NRXN3: variants seen among roughly 807,000 people sequenced by gnomAD.
NRXN3 encodes the protein neurexin 3, also known as neurexin III.
NRXN3 carries 32 observed loss-of-function variants against 137.6 expected under a neutral mutation model. The ratio of observed to expected loss-of-function variants is 0.23; its 90% CI spans 0.18 to 0.31. The LOEUF (loss-of-function observed/expected upper bound fraction) is 0.31. NRXN3 is among the 10% of genes least tolerant of loss of function. The pLI is 1.00. For missense variants in NRXN3, 1,574 were observed against 2,062.5 expected, an observed-to-expected ratio of 0.76 and a Z score of 4.59; for synonymous variants, 798 against 784.5, an observed-to-expected ratio of 1.02 and a Z score of -0.29.
chr14:79,130,328 T>C (rs1033096767), intron 15 of NRXN3, among the ~76,000 whole-genome samples: 2 of 152,182 alleles, frequency 1.3e-5, no homozygotes, highest in Admixed American at 1.3e-4. Context: ...AGTTGTTCCT[T>C]TCCATGTTTA....
intron 20 of NRXN3, among the ~76,000 whole-genome samples, chr14:79,850,440 C>T (rs1276348354): frequency 6.6e-6 from 1 of 152,158 alleles, no homozygotes; most frequent in Non-Finnish European, 1.5e-5. Flanking sequence ...TTGAGTATGT[C>T]TTTGGGATTC....
At chr14:79,786,778 T>TCTTAGTGCA in intron 19 of NRXN3, among the ~76,000 whole-genome samples, 1 of 152,220 alleles carries the variant, frequency 6.6e-6, no homozygotes, top group African/African-American at 2.4e-5. Context: ...AATGTGAATA[T>TCTTAGTGCA]TCTAAGATAG....
chr14:78,877,251 C>T (rs377295172), intron 10 of NRXN3, among the ~76,000 whole-genome samples: 2 of 152,106 alleles, frequency 1.3e-5, no homozygotes, highest in African/African-American at 2.4e-5. Flanking sequence ...CTATGAGGAT[C>T]GGATGAAGGT....
At chr14:78,830,459 A>G (rs751060645) in intron 10 of NRXN3, among the ~76,000 whole-genome samples, 3 of 152,166 alleles carry the variant, frequency 2.0e-5, no homozygotes, top group Non-Finnish European at 4.4e-5. Flanking sequence ...CAAAATTTTA[A>G]TTTGTCAGGA....
At chr14:79,713,190 T>TTTTTTTTTTTTTTTTA (rs1567979801) in intron 19 of NRXN3, among the ~76,000 whole-genome samples, 1 of 108,596 alleles carries the variant, frequency 9.2e-6, no homozygotes, top group Non-Finnish European at 1.8e-5. Context: ...TTTTTTTTTT[T>TTTTTTTTTTTTTTTTA]ACCCTCTCTC....
intron 20 of NRXN3, among the ~76,000 whole-genome samples, chr14:79,856,360 C>T (rs2099402505): frequency 6.6e-6 from 1 of 152,072 alleles, no homozygotes; most frequent in Admixed American, 6.5e-5. Context: ...AGCTAAATAT[C>T]TTTGAAAAAT....
At chr14:79,782,494 T>C (rs2099116926) in intron 19 of NRXN3, among the ~76,000 whole-genome samples, 1 of 152,224 alleles carries the variant, frequency 6.6e-6, no homozygotes, top group Non-Finnish European at 1.5e-5. Flanking sequence ...TTGAATATTC[T>C]TAGATCAATT....
chr14:78,543,831 C>T (rs1431995769), intron 4 of NRXN3, among the ~76,000 whole-genome samples: 1 of 152,086 alleles, frequency 6.6e-6, no homozygotes, highest in Non-Finnish European at 1.5e-5. Flanking sequence ...CAGGTAGCCT[C>T]TTCAGGGTAG....
Position 79,631,381 on chromosome 14 carries a change from C to T in NRXN3, c.3445-32397C>T, listed in dbSNP as rs7160207. On this transcript the variant is annotated intron_variant, in intron 16 of 20. Coordinates refer to ENST00000335750, the MANE Select transcript of NRXN3 (RefSeq NM_001330195.2). ...GCTGCGCTGGAAGAGCCCTTCAGTC[C>T]GCCGCGGCGCTGTGGGGGCCCCTCT... is the stretch of plus-strand genomic sequence containing the variant. Among the ~76,000 whole-genome samples, 941 of 152,374 alleles carry T rather than the reference C, an allele frequency of 6.2e-3. 13 individuals carry two copies. Among genetic ancestry groups the T allele is most frequent in the African/African-American group, 0.02 (833 of 41,596 alleles).
intron 15 of NRXN3, among the ~76,000 whole-genome samples, chr14:79,379,283 TGAC>T (rs2094396936): frequency 1.3e-5 from 2 of 152,308 alleles, no homozygotes; most frequent in African/African-American, 4.8e-5. Context: ...TCATTGTGTG[TGAC>T]GGTGTTTTCT....
At chr14:79,586,173 C>A (rs530380608) in intron 16 of NRXN3, among the ~76,000 whole-genome samples, 1 of 152,244 alleles carries the variant, frequency 6.6e-6, no homozygotes, top group East Asian at 1.9e-4. Flanking sequence ...ACACTGCCAG[C>A]CAGGGCATGT....
At chr14:79,192,794 A>T (rs990380430) in intron 15 of NRXN3, among the ~76,000 whole-genome samples, 5 of 127,498 alleles carry the variant, frequency 3.9e-5, no homozygotes, top group Non-Finnish European at 6.4e-5. Context: ...TTTTTGAGAC[A>T]GAGTCTCGCT....
intron 19 of NRXN3, among the ~76,000 whole-genome samples, chr14:79,735,825 TC>T (rs2098939900): frequency 1.3e-5 from 2 of 152,334 alleles, no homozygotes; most frequent in South Asian, 4.1e-4. Flanking sequence ...CCTTTGAATA[TC>T]CTGCTCAGTT....
At chr14:79,026,295 G>T (rs1192293911) in intron 15 of NRXN3, among the ~76,000 whole-genome samples, 1 of 152,154 alleles carries the variant, frequency 6.6e-6, no homozygotes, top group Non-Finnish European at 1.5e-5. Context: ...TATTGGCACT[G>T]TCCTCTTGTA....
At chr14:79,792,941 A>T (rs911217542) in intron 19 of NRXN3, among the ~76,000 whole-genome samples, 7 of 152,194 alleles carry the variant, frequency 4.6e-5, no homozygotes, top group African/African-American at 1.7e-4. Flanking sequence ...GGTTGCATTA[A>T]AACCCAGAAT....
intron 1 of NRXN3, among the ~76,000 whole-genome samples, chr14:78,229,259 A>T (rs894020052): frequency 2.0e-5 from 3 of 150,114 alleles, no homozygotes; most frequent in African/African-American, 7.4e-5. Context: ...TAACTGTCTT[A>T]TGTTTTGGGG....
intron 15 of NRXN3, among the ~76,000 whole-genome samples, chr14:79,358,607 G>GAAAAAGAAAGAAAGAAAGAAAGAA: frequency 1.3e-5 from 1 of 79,984 alleles, no homozygotes; most frequent in East Asian, 3.8e-4. Flanking sequence ...AAGAAAGAAA[G>GAAAAAGAAAGAAAGAAAGAAAGAA]AGAAAGAAAG....
At chr14:78,834,585 C>A (rs886966359) in intron 10 of NRXN3, among the ~76,000 whole-genome samples, 1 of 152,136 alleles carries the variant, frequency 6.6e-6, no homozygotes, top group Non-Finnish European at 1.5e-5. Flanking sequence ...TGTTACCTGG[C>A]AACTAAGGTA....
At chr14:78,389,092 G>A (rs545971246) in intron 4 of NRXN3, among the ~76,000 whole-genome samples, 1 of 145,832 alleles carries the variant, frequency 6.9e-6, no homozygotes, top group East Asian at 2.0e-4. Context: ...GAGTTGCTCT[G>A]TTGCCCAGGC....
Sources: allele counts gnomAD v4.1 joint callset (sites outside exome capture counted in the v4.1 genomes callset), GRCh38; gene constraint gnomAD v4.1.1; transcripts MANE v1.5; gene names NCBI Gene and HGNC (gene_info 2026-07-23, HGNC 2026-07-21).